The following SGPL1 variants were observed in gnomAD, a reference collection of about 807,000 sequenced individuals.
SGPL1 encodes the protein sphingosine-1-phosphate lyase 1.
In SGPL1, 37 loss-of-function variants were observed where a neutral mutation model predicts 68.9. That is an observed-to-expected ratio of 0.54 (90% CI 0.41 to 0.71). The LOEUF is 0.71. SGPL1 is among the 30% of genes least tolerant of loss of function. The pLI is 0.00. For missense variants in SGPL1, 551 were observed against 704.6 expected (o/e 0.78, Z 2.47); for synonymous variants, 236 against 248.5 (o/e 0.95, Z 0.47).
intron 2 of SGPL1, among the ~76,000 whole-genome samples, chr10:70,822,909 T>C (rs1423322611): frequency 6.6e-6 from 1 of 151,802 alleles, no homozygotes; most frequent in African/African-American, 2.4e-5. Flanking sequence ...GCAGATGATA[T>C]TCACTAAAGA....
intron 2 of SGPL1, among the ~76,000 whole-genome samples, chr10:70,837,565 A>T (rs1182966325): frequency 6.6e-6 from 1 of 152,202 alleles, no homozygotes; most frequent in African/African-American, 2.4e-5. Context: ...TAGTGCCTTC[A>T]TACAGTAGGC....
chr10:70,862,908 G>A (rs1240391020), intron 7 of SGPL1, among the ~76,000 whole-genome samples: 1 of 152,228 alleles, frequency 6.6e-6, no homozygotes, highest in Non-Finnish European at 1.5e-5. Context: ...TCCGGACACA[G>A]TAGAAGCCCA....
intron 12 of SGPL1, among the ~76,000 whole-genome samples, chr10:70,875,085 C>G (rs1313313193): frequency 6.6e-6 from 1 of 152,134 alleles, no homozygotes; most frequent in African/African-American, 2.4e-5. Context: ...GTACATCTTT[C>G]ATGCCTCAGA....
At chr10:70,818,015 T>A (rs902499070) in intron 2 of SGPL1, among the ~76,000 whole-genome samples, 3 of 152,246 alleles carry the variant, frequency 2.0e-5, no homozygotes, top group Admixed American at 2.0e-4. Flanking sequence ...CTTTTATGAT[T>A]CCTTATGGAC....
chr10:70,835,705 CAGCCTGGGTGACAG>C (rs1271753785), intron 2 of SGPL1, among the ~76,000 whole-genome samples: 2 of 139,426 alleles, frequency 1.4e-5, no homozygotes, highest in Non-Finnish European at 3.0e-5. Context: ...CACTGCACTC[CAGCCTGGGTGACAG>C]AGCAAGACTC....
chr10:70,826,115 G>A (rs1228302334), intron 2 of SGPL1, among the ~76,000 whole-genome samples: 1 of 152,188 alleles, frequency 6.6e-6, no homozygotes, highest in Non-Finnish European at 1.5e-5. Flanking sequence ...AACGCGGGAG[G>A]TGGAGGTTGC....
At chr10:70,839,464 C>G (rs1305579133) in intron 2 of SGPL1, among the ~76,000 whole-genome samples, 1 of 151,982 alleles carries the variant, frequency 6.6e-6, no homozygotes, top group African/African-American at 2.4e-5. Flanking sequence ...GATAAGCACC[C>G]CTGTCCCCCT....
intron 2 of SGPL1, among the ~76,000 whole-genome samples, chr10:70,824,615 CAA>C (rs1222846866): frequency 6.6e-6 from 1 of 151,790 alleles, no homozygotes; most frequent in Non-Finnish European, 1.5e-5. Context: ...AAAAACAAAA[CAA>C]AAAAACCCTC....
intron 7 of SGPL1, among the ~76,000 whole-genome samples, chr10:70,861,639 G>A (rs1846057182): frequency 6.6e-6 from 1 of 152,246 alleles, no homozygotes; most frequent in East Asian, 1.9e-4. Context: ...AGGGAGGTGT[G>A]GAGGGAGAGG....
At chr10:70,821,018 C>A (rs112125157) in intron 2 of SGPL1, among the ~76,000 whole-genome samples, 38 of 152,280 alleles carry the variant, frequency 2.5e-4, no homozygotes, top group African/African-American at 7.9e-4. Flanking sequence ...ATATAACAAG[C>A]CTTGAATCCA....
Position 70,816,744 on chromosome 10 carries a change from G to T in SGPL1, c.-43-67G>T. ...AGAACCATAACTTGGCTGCTCTGGC[G>T]AATCTAGGCGGGCTGGCGAGACAGT... On this transcript the variant is annotated intron_variant, in intron 1 of 14. Coordinates refer to ENST00000373202, the MANE Select transcript of SGPL1 (RefSeq NM_003901.4). The T allele has an allele frequency of 8.9e-7, 1 of 1,120,900 alleles. No homozygotes were observed. The highest frequency in any genetic ancestry group is 1.4e-6 in the Non-Finnish European group (1 of 730,584). The allele number at this position is 1,120,900 out of a possible 1,614,324, so 69.4% of individuals were successfully genotyped here.
chr10:70,817,568 G>C (rs1321507093), intron 2 of SGPL1, among the ~76,000 whole-genome samples: 1 of 152,160 alleles, frequency 6.6e-6, no homozygotes. Context: ...CTCTGGAGTA[G>C]CTAGGACTAG....
chr10:70,868,488 C>T (rs1846234549), intron 8 of SGPL1, 55 bp downstream of exon 8: 7 of 1,342,018 alleles, frequency 5.2e-6, no homozygotes, highest in Non-Finnish European at 7.5e-6. Context: ...TGGAGTACAG[C>T]TTTATGAAAC....
intron 2 of SGPL1, among the ~76,000 whole-genome samples, chr10:70,822,280 T>C (rs140450607): frequency 1.3e-5 from 2 of 152,336 alleles, no homozygotes; most frequent in African/African-American, 4.8e-5. Flanking sequence ...TTTGGCAATC[T>C]CCCAGTGTTA....
Position 70,823,215 on chromosome 10 carries a change from A to G in SGPL1, c.27+6335A>G, listed in dbSNP as rs567254912. On this transcript the variant is annotated intron_variant, in intron 2 of 14. Coordinates refer to ENST00000373202, the MANE Select transcript of SGPL1 (RefSeq NM_003901.4). ...GACACAGACTCAAACACACACAGCC[A>G]TATGTGTAATCATTTTTTAGTACAA... 2.0e-5 allele frequency among the ~76,000 whole-genome samples: 3 copies of G among 151,766 alleles called. No individual in the cohort carries two copies. The South Asian group carries it at 6.3e-4, about 32-fold the overall frequency.
At chr10:70,824,834 A>G (rs1194966732) in intron 2 of SGPL1, among the ~76,000 whole-genome samples, 3 of 152,168 alleles carry the variant, frequency 2.0e-5, no homozygotes, top group African/African-American at 2.4e-5. Flanking sequence ...ATATATAAAC[A>G]TGGGTAAGGT....
intron 2 of SGPL1, among the ~76,000 whole-genome samples, chr10:70,840,424 G>A (rs1191117207): frequency 2.6e-5 from 4 of 152,146 alleles, no homozygotes; most frequent in Non-Finnish European, 4.4e-5. Context: ...AGGTCCTAAG[G>A]AACTGCATCA....
chr10:70,830,591 GAC>G (rs1266879266), intron 2 of SGPL1, among the ~76,000 whole-genome samples: 1 of 152,178 alleles, frequency 6.6e-6, no homozygotes, highest in East Asian at 1.9e-4. Context: ...ACCTACAGGA[GAC>G]ACAGGATCTT....
chr10:70,854,215 G>A (rs1337856658), intron 4 of SGPL1, among the ~76,000 whole-genome samples: 1 of 150,594 alleles, frequency 6.6e-6, no homozygotes, highest in Non-Finnish European at 1.5e-5. Flanking sequence ...CTGTTGCCCA[G>A]GCTGAATGGA....
Sources: gnomAD v4.1 joint callset for allele counts (sites outside exome capture counted in the v4.1 genomes callset) on GRCh38, gnomAD v4.1.1 for gene constraint, MANE v1.5 for transcripts, NCBI Gene and HGNC (gene_info 2026-07-23, HGNC 2026-07-21) for gene names.